Variants in GPA33 observed in about 807,000 individuals in gnomAD.
GPA33 encodes the protein glycoprotein A33, also known as cell surface A33 antigen.
A neutral mutation model predicts 35.6 loss-of-function variants in GPA33; 27 were observed. That is an observed-to-expected ratio of 0.76 (90% CI 0.56 to 1.04). The LOEUF is 1.04. GPA33 is among the 50% of genes least tolerant of loss of function. GPA33 has a pLI of 0.00. For missense variants in GPA33, 428 were observed against 411.9 expected, an observed-to-expected ratio of 1.04 and a Z score of -0.34; for synonymous variants, 176 against 164.0, an observed-to-expected ratio of 1.07 and a Z score of -0.56.
At chr1:167,089,253 T>G (rs1311902897) in intron 1 of GPA33, among the ~76,000 whole-genome samples, 1 of 152,158 alleles carries the variant, frequency 6.6e-6, no homozygotes, top group African/African-American at 2.4e-5. Context: ...GTAGGCCCCG[T>G]GGCCCGGGGC....
intron 1 of GPA33, among the ~76,000 whole-genome samples, chr1:167,083,536 G>A (rs574689071): frequency 8.3e-4 from 126 of 152,346 alleles, no homozygotes; most frequent in African/African-American, 2.9e-3. Flanking sequence ...AGGGACAGAT[G>A]CAGTTGCTGC....
intron 3 of GPA33, among the ~76,000 whole-genome samples, chr1:167,066,042 C>T (rs185923776): frequency 4.9e-4 from 75 of 152,282 alleles, no homozygotes; most frequent in South Asian, 3.7e-3. Flanking sequence ...TTCAGAGGTA[C>T]GGGAGCATCC....
chr1:167,064,370 C>T (rs1666543475), intron 3 of GPA33, among the ~76,000 whole-genome samples: 1 of 152,106 alleles, frequency 6.6e-6, no homozygotes, highest in Non-Finnish European at 1.5e-5. Flanking sequence ...GACACTTGCT[C>T]ATAGGTACTG....
At chr1:167,084,439 CA>C (rs1667013400) in intron 1 of GPA33, among the ~76,000 whole-genome samples, 1 of 152,172 alleles carries the variant, frequency 6.6e-6, no homozygotes, top group Non-Finnish European at 1.5e-5. Flanking sequence ...ATGTGGTCCC[CA>C]AATTCTTTTA....
chr1:167,056,707 GTAGTGTGTGTGTAGTGT>G (rs1666285596), intron 4 of GPA33, among the ~76,000 whole-genome samples: 1 of 1,854 alleles, frequency 5.4e-4, no homozygotes, highest in African/African-American at 2.1e-3. Context: ...TGTGGTGTGT[GTAGTGTGTGTGTAGTGT>G]GTGATGTATG....
At chr1:167,084,582 C>T (rs967064095) in intron 1 of GPA33, among the ~76,000 whole-genome samples, 2 of 152,170 alleles carry the variant, frequency 1.3e-5, no homozygotes, top group Non-Finnish European at 2.9e-5. Flanking sequence ...GCAGCTTTAA[C>T]TTCTTGTCTC....
At chr1:167,079,448 C>T (rs1041522463) in intron 1 of GPA33, among the ~76,000 whole-genome samples, 5 of 146,254 alleles carry the variant, frequency 3.4e-5, no homozygotes, top group African/African-American at 1.3e-4. Flanking sequence ...GCCGAGATCA[C>T]ACCACAGCCT....
chr1:167,079,023 G>A (rs1257022059), intron 1 of GPA33, among the ~76,000 whole-genome samples: 1 of 152,062 alleles, frequency 6.6e-6, no homozygotes, highest in Non-Finnish European at 1.5e-5. Context: ...AATCACAAGA[G>A]GCAGCACTCA....
At chr1:167,073,855 C>A (rs1666770577) in intron 1 of GPA33, among the ~76,000 whole-genome samples, 1 of 152,090 alleles carries the variant, frequency 6.6e-6, no homozygotes, top group African/African-American at 2.4e-5. Context: ...AAAATAGGAG[C>A]TCTAATACTT....
intron 1 of GPA33, among the ~76,000 whole-genome samples, chr1:167,087,120 G>A (rs1667068327): frequency 6.6e-6 from 1 of 152,194 alleles, no homozygotes; most frequent in African/African-American, 2.4e-5. Context: ...TAACAGCCTT[G>A]TGGAGGGGGC....
chr1:167,084,441 A>C (rs994929888), intron 1 of GPA33, among the ~76,000 whole-genome samples: 2 of 152,226 alleles, frequency 1.3e-5, no homozygotes, highest in African/African-American at 4.8e-5. Flanking sequence ...GTGGTCCCCA[A>C]ATTCTTTTAA....
intron 4 of GPA33, among the ~76,000 whole-genome samples, chr1:167,056,515 G>T (rs1666257644): frequency 1.4e-5 from 1 of 73,322 alleles, no homozygotes; most frequent in Admixed American, 1.4e-4. Context: ...TGTCAGTGAT[G>T]TGCAGCGTGT....
chr1:167,069,244 A>G (rs1018056080), intron 2 of GPA33, 106 bp from the exon 3 acceptor site: 1 of 683,776 alleles, frequency 1.5e-6, no homozygotes, highest in Non-Finnish European at 2.6e-6. Context: ...GCCCAGAAGC[A>G]CAGACCTGCC....
intron 1 of GPA33, among the ~76,000 whole-genome samples, chr1:167,081,461 G>T (rs1333204522): frequency 2.6e-5 from 4 of 152,220 alleles, no homozygotes; most frequent in Non-Finnish European, 5.9e-5. Context: ...TCTCAAACTG[G>T]CAGCTGAGAG....
intron 3 of GPA33, among the ~76,000 whole-genome samples, chr1:167,068,261 G>T (rs991104423): frequency 1.3e-5 from 2 of 152,170 alleles, no homozygotes; most frequent in Non-Finnish European, 2.9e-5. Context: ...TTAAATAACA[G>T]TTATTTTCCA....
intron 1 of GPA33, among the ~76,000 whole-genome samples, chr1:167,075,229 G>A (rs1364350395): frequency 6.6e-6 from 1 of 152,078 alleles, no homozygotes. Context: ...GATCATTCTG[G>A]CAAATGTGGG....
chr1:167,076,000 T>C (rs1267139334), intron 1 of GPA33, among the ~76,000 whole-genome samples: 3 of 151,578 alleles, frequency 2.0e-5, no homozygotes, highest in Admixed American at 6.6e-5. Context: ...GTGGATGCAG[T>C]GGGGTGGTGG....
At chr1:167,078,725 T>C (rs1417669895) in intron 1 of GPA33, 2 of 152,232 alleles carry the variant, frequency 1.3e-5, no homozygotes, top group African/African-American at 4.8e-5. Context: ...GGCATAGAAT[T>C]TGAATGCACA....
intron 5 of GPA33, 31 bp from the exon 6 acceptor site, chr1:167,055,142 G>A (rs763671076): frequency 1.5e-5 from 24 of 1,608,062 alleles, no homozygotes; most frequent in Middle Eastern, 1.7e-4. Flanking sequence ...TGCACTTGCC[G>A]AGCTTCTAAG....
Sources: gnomAD v4.1 joint callset for allele counts (sites outside exome capture counted in the v4.1 genomes callset) on GRCh38, gnomAD v4.1.1 for gene constraint, MANE v1.5 for transcripts, NCBI Gene and HGNC (gene_info 2026-07-23, HGNC 2026-07-21) for gene names.